The following CHLSN variants were observed in gnomAD, a reference collection of about 807,000 sequenced individuals.
The protein encoded by CHLSN is protein cholesin.
the CHLSN span, among the ~76,000 whole-genome samples, chr7:1,103,214 C>G: frequency 1.3e-5 from 2 of 152,200 alleles, no homozygotes; most frequent in Non-Finnish European, 2.9e-5. Context: ...AACTAAACCT[C>G]CTCCCACGCC....
chr7:1,047,387 G>C, the CHLSN span, among the ~76,000 whole-genome samples: 1 of 152,224 alleles, frequency 6.6e-6, no homozygotes, highest in African/African-American at 2.4e-5. Flanking sequence ...AAAGCAAAAG[G>C]CTACAAAAAT....
the CHLSN span, chr7:1,010,204 G>A: frequency 1.3e-6 from 2 of 1,485,026 alleles, no homozygotes; most frequent in African/African-American, 1.4e-5. Flanking sequence ...CGGGTGCGCT[G>A]CCTGGGGCTT....
chr7:1,030,607 G>A, the CHLSN span, among the ~76,000 whole-genome samples: 20 of 152,326 alleles, frequency 1.3e-4, no homozygotes, highest in African/African-American at 4.6e-4. Flanking sequence ...CCTAGGTCCT[G>A]CCCAGTGACC....
the CHLSN span, among the ~76,000 whole-genome samples, chr7:1,108,245 A>G: frequency 5.1e-4 from 62 of 121,990 alleles, no homozygotes; most frequent in East Asian, 7.6e-4. Flanking sequence ...GGGGAAGCAG[A>G]GGAGGGCTGT....
the CHLSN span, among the ~76,000 whole-genome samples, chr7:1,122,178 C>T: frequency 1.3e-5 from 2 of 152,240 alleles, no homozygotes; most frequent in South Asian, 4.1e-4. Context: ...GCACAGCACC[C>T]ACGCCTCTGC....
chr7:1,001,104 G>T, the CHLSN span, among the ~76,000 whole-genome samples: 3 of 152,152 alleles, frequency 2.0e-5, no homozygotes, highest in Non-Finnish European at 2.9e-5. Context: ...TCAGGCAGCT[G>T]CGGATGGAGC....
At chr7:1,093,781 G>A in the CHLSN span, 1 of 429,096 alleles carries the variant, frequency 2.3e-6, no homozygotes, top group South Asian at 1.7e-5. Flanking sequence ...GTGACGTTCA[G>A]CCTTTGTCAA....
chr7:1,057,474 T>C, the CHLSN span: 1 of 722,620 alleles, frequency 1.4e-6, no homozygotes, highest in South Asian at 1.5e-5. Context: ...GCTGACCACC[T>C]GTTCCTTCTT....
the CHLSN span, among the ~76,000 whole-genome samples, chr7:1,095,535 C>T: frequency 1.3e-5 from 2 of 152,248 alleles, no homozygotes; most frequent in Admixed American, 1.3e-4. Flanking sequence ...CACATAGCTT[C>T]AACAGGGGCA....
chr7:1,045,180 G>A, the CHLSN span, among the ~76,000 whole-genome samples: 1 of 152,248 alleles, frequency 6.6e-6, no homozygotes, highest in Non-Finnish European at 1.5e-5. Flanking sequence ...ACCAGCAGCA[G>A]AAAACCCACT....
the CHLSN span, chr7:1,091,717 C>T: frequency 3.8e-5 from 57 of 1,507,824 alleles, no homozygotes; most frequent in South Asian, 4.1e-4. Flanking sequence ...GAAAGCTGCA[C>T]GGTGCAGAGA....
chr7:979,283 C>T, the CHLSN span, among the ~76,000 whole-genome samples: 45 of 152,262 alleles, frequency 3.0e-4, no homozygotes, highest in East Asian at 6.7e-3. Context: ...AGCTTATCAA[C>T]GGGTGGCGGA....
At chr7:1,096,364 C>A in the CHLSN span, among the ~76,000 whole-genome samples, 1 of 152,226 alleles carries the variant, frequency 6.6e-6, no homozygotes, top group Non-Finnish European at 1.5e-5. The surrounding 1 kb of genome is among the most constrained non-coding windows in gnomAD (Gnocchi z 4.6). Context: ...GCGGTAAGGG[C>A]AGGTGCAACA....
At chr7:1,085,491 C>CCTGCCT in the CHLSN span, among the ~76,000 whole-genome samples, 1 of 152,108 alleles carries the variant, frequency 6.6e-6, no homozygotes, top group Non-Finnish European at 1.5e-5. Context: ...GAAGGACAGC[C>CCTGCCT]CTGCCTCACA....
At chr7:996,656 T>C in the CHLSN span, among the ~76,000 whole-genome samples, 3 of 152,210 alleles carry the variant, frequency 2.0e-5, no homozygotes, top group Non-Finnish European at 4.4e-5. Context: ...CCCCGGCAGC[T>C]GCCCAGAGCT....
chr7:980,684 CTTTTTTTTT>C, the CHLSN span, among the ~76,000 whole-genome samples: 356 of 97,042 alleles, frequency 3.7e-3, 1 homozygote, highest in Middle Eastern at 6.8e-3. Flanking sequence ...GTAACAGTTA[CTTTTTTTTT>C]TTTTTTTTTT....
chr7:1,058,278 G>T, the CHLSN span: 13 of 772,980 alleles, frequency 1.7e-5, no homozygotes, highest in Non-Finnish European at 2.6e-5. Flanking sequence ...GATCCTGCTG[G>T]GGCACACGGT....
the CHLSN span, chr7:1,055,449 C>T: frequency 2.2e-6 from 1 of 464,096 alleles, no homozygotes; most frequent in East Asian, 7.0e-5. Context: ...TGGCCAGGGC[C>T]CACAGCACCA....
At chr7:1,028,768 C>T in the CHLSN span, 1 of 880,232 alleles carries the variant, frequency 1.1e-6, no homozygotes, top group Non-Finnish European at 1.4e-6. Context: ...CCCCATCTCC[C>T]CTAGTCTGCC....
Sources: gnomAD v4.1 joint callset for allele counts (sites outside exome capture counted in the v4.1 genomes callset) on GRCh38, gnomAD v4.1.1 for gene constraint, Gnocchi (gnomAD v3.1) non-coding constraint, MANE v1.5 for transcripts, NCBI Gene and HGNC (gene_info 2026-07-23, HGNC 2026-07-21) for gene names.